TP73: variants seen among roughly 807,000 people sequenced by gnomAD.
The protein encoded by TP73 is p53-like transcription factor.
Under a neutral mutation model 62.5 loss-of-function variants are expected in TP73, and 25 were observed. The ratio of observed to expected loss-of-function variants is 0.40; its 90% CI spans 0.29 to 0.56. The LOEUF (loss-of-function observed/expected upper bound fraction) is 0.56. Among genes scored for constraint, TP73 ranks in the 20% least tolerant of loss-of-function variants. The probability of loss-of-function intolerance (pLI) is 0.46; values close to 1 mark genes in which losing one functional copy is unlikely to be tolerated. For missense variants in TP73, 754 were observed against 913.3 expected, an observed-to-expected ratio of 0.83 and a Z score of 2.25; for synonymous variants, 423 against 377.5, an observed-to-expected ratio of 1.12 and a Z score of -1.40.
At chr1:3,721,287 C>T (rs966720804) in intron 4 of TP73, among the ~76,000 whole-genome samples, 8 of 152,250 alleles carry the variant, frequency 5.3e-5, no homozygotes, top group Non-Finnish European at 1.0e-4. Flanking sequence ...CAGCAGGGCC[C>T]ACGCCAGCTC....
intron 3 of TP73, among the ~76,000 whole-genome samples, chr1:3,704,389 C>T (rs1639457840): frequency 6.6e-6 from 1 of 152,194 alleles, no homozygotes; most frequent in South Asian, 2.1e-4. Context: ...ATCCACATTT[C>T]ACACACCCCC....
At chr1:3,700,353 G>A (rs776114989) in intron 3 of TP73, among the ~76,000 whole-genome samples, 10 of 152,270 alleles carry the variant, frequency 6.6e-5, no homozygotes, top group Middle Eastern at 3.4e-3. Flanking sequence ...CCTGTCATCC[G>A]ATGGCACGGT....
chr1:3,697,206 C>T (rs10910013), intron 3 of TP73, among the ~76,000 whole-genome samples: 37,419 of 152,200 alleles, frequency 0.25, 4,917 homozygotes, highest in Non-Finnish European at 0.3. Flanking sequence ...GCACCCACTG[C>T]TCAGATACAT....
At chr1:3,665,097 T>C (rs755561637) in intron 1 of TP73, among the ~76,000 whole-genome samples, 2 of 152,204 alleles carry the variant, frequency 1.3e-5, no homozygotes, top group African/African-American at 4.8e-5. Context: ...GGTCTCTCCT[T>C]CCTGCTATCA....
Position 3,728,225 on chromosome 1 carries a change from T to C in TP73, c.1074+8T>C. On this transcript the variant is annotated splice_region_variant and intron_variant, in intron 9 of 13. Transcript: ENST00000378295. ...GACACGTACTACCTTCAGGTGAGTGTGTGCTCCTGCACGGCAGCCGGGAGA... is the reference window on the plus strand; with the variant it reads ...GACACGTACTACCTTCAGGTGAGTGCGTGCTCCTGCACGGCAGCCGGGAGA... 2 of 1,610,808 alleles carry C rather than the reference T, an allele frequency of 1.2e-6. No homozygotes were observed. The highest frequency in any genetic ancestry group is 1.7e-6 in the Non-Finnish European group (2 of 1,179,660).
At chr1:3,685,451 C>T (rs988965244) in intron 3 of TP73, among the ~76,000 whole-genome samples, 3 of 152,216 alleles carry the variant, frequency 2.0e-5, no homozygotes, top group Admixed American at 6.5e-5. Context: ...GTGCACAGCT[C>T]GACTCACGGA....
intron 3 of TP73, among the ~76,000 whole-genome samples, chr1:3,689,717 T>A (rs1450043552): frequency 6.6e-6 from 1 of 151,850 alleles, no homozygotes; most frequent in Non-Finnish European, 1.5e-5. Flanking sequence ...AGGAAAAGGT[T>A]GGAAGGAAAG....
At chr1:3,720,982 G>C (rs1375082842) in intron 4 of TP73, among the ~76,000 whole-genome samples, 1 of 152,250 alleles carries the variant, frequency 6.6e-6, no homozygotes, top group East Asian at 1.9e-4. Context: ...GAGGGGCACA[G>C]AGGGCATGGG....
At chr1:3,732,712 C>T (rs1174371836) in intron 13 of TP73, 35 bp from the exon 14 acceptor site, 8 of 1,532,838 alleles carry the variant, frequency 5.2e-6, no homozygotes, top group African/African-American at 2.7e-5. Context: ...CCCTGCTCCA[C>T]TGCCCCCTGC....
intron 4 of TP73, among the ~76,000 whole-genome samples, chr1:3,717,005 G>A (rs916531894): frequency 6.6e-6 from 1 of 152,130 alleles, no homozygotes; most frequent in Non-Finnish European, 1.5e-5. Flanking sequence ...AAAAAAAATC[G>A]TTTAAAAAAT....
chr1:3,658,657 G>A (rs1388046386), intron 1 of TP73, among the ~76,000 whole-genome samples: 1 of 152,050 alleles, frequency 6.6e-6, no homozygotes, highest in East Asian at 1.9e-4. Flanking sequence ...CTTTAGAAAA[G>A]AGAGTTTTTT....
intron 1 of TP73, among the ~76,000 whole-genome samples, chr1:3,679,490 TCTGTCTCTCTCC>T (rs1645458541): frequency 3.9e-5 from 6 of 152,100 alleles, no homozygotes; most frequent in Admixed American, 3.3e-4. Context: ...TCCATCTCTC[TCTGTCTCTCTCC>T]CTGTCTCTCT....
intron 1 of TP73, among the ~76,000 whole-genome samples, chr1:3,654,016 A>G (rs1315305853): frequency 1.3e-5 from 2 of 152,172 alleles, no homozygotes; most frequent in African/African-American, 4.8e-5. Flanking sequence ...TCTACTTGAA[A>G]TACAAAAATT....
At chr1:3,690,656 C>T (rs1161194849) in intron 3 of TP73, 4 of 1,397,398 alleles carry the variant, frequency 2.9e-6, no homozygotes, top group South Asian at 1.5e-5. Flanking sequence ...AGGGGTGGGC[C>T]GCGGGTTTTG....
At chr1:3,727,503 G>C in intron 7 of TP73, 125 bp from the exon 8 acceptor site, 3 of 1,356,414 alleles carry the variant, frequency 2.2e-6, no homozygotes, top group Middle Eastern at 4.6e-4. Context: ...TGCCGGCACT[G>C]GGTGCTCTGT....
intron 6 of TP73, 119 bp downstream of exon 6, chr1:3,723,588 C>T: frequency 5.4e-6 from 4 of 739,410 alleles, no homozygotes; most frequent in Non-Finnish European, 9.3e-6. Context: ...CCTGTCCTGT[C>T]GGCATCTGTC....
intron 6 of TP73, among the ~76,000 whole-genome samples, 157 bp from the exon 7 acceptor site, chr1:3,726,958 G>T (rs577292822): frequency 6.6e-6 from 1 of 152,000 alleles, no homozygotes; most frequent in East Asian, 1.9e-4. Context: ...GTGGATGGAT[G>T]AATGAGTGGA....
rs187134401 is a variant in TP73, at chr1:3,720,238, C to T, written c.430-1783C>T. 4.6e-5 allele frequency among the ~76,000 whole-genome samples: 7 copies of T among 152,322 alleles called. No homozygotes were observed. The East Asian group carries it at 1.2e-3, about 25-fold the overall frequency. On this transcript the variant is annotated intron_variant, in intron 4 of 13. Transcript: ENST00000378295. Reference sequence around the variant, plus strand: ...GCCCGTTTCCTGCTTTTCTAAACAGCGCCCAGCCTCCCCTGCAGGGCTGTG... The same window carrying T: ...GCCCGTTTCCTGCTTTTCTAAACAGTGCCCAGCCTCCCCTGCAGGGCTGTG...
chr1:3,722,013 C>G lies in TP73; in HGVS notation c.430-8C>G, dbSNP rs778648883. On this transcript the variant is annotated splice_polypyrimidine_tract_variant and splice_region_variant and intron_variant, in intron 4 of 13. Coordinates refer to ENST00000378295, the MANE Select transcript of TP73 (RefSeq NM_005427.4). ...CTGGTCTCACCCGCTCCCTCTCCCC[C>G]ACTCCAGTACTCCCCGCTCTTGAAG... The G allele has an allele frequency of 6.3e-6, 10 of 1,597,854 alleles. No homozygotes were observed. The Admixed American group carries it at 8.5e-5, about 14-fold the overall frequency.
Sources: gnomAD v4.1 joint callset for allele counts (sites outside exome capture counted in the v4.1 genomes callset) on GRCh38, gnomAD v4.1.1 for gene constraint, MANE v1.5 for transcripts, NCBI Gene and HGNC (gene_info 2026-07-23, HGNC 2026-07-21) for gene names.